Variants in CNTN4 observed in about 807,000 individuals in gnomAD.
CNTN4 encodes the protein contactin-4.
In CNTN4, 77 loss-of-function variants were observed where a neutral mutation model predicts 122.5. The observed-to-expected ratio is 0.63, with a 90% CI of 0.52 to 0.76. The LOEUF (loss-of-function observed/expected upper bound fraction) is 0.76. CNTN4 is among the 30% of genes least tolerant of loss of function. The probability of loss-of-function intolerance (pLI) is 0.00; values close to 1 mark genes in which losing one functional copy is unlikely to be tolerated. For missense variants in CNTN4, 1,256 were observed against 1,259.1 expected (o/e 1.00, Z 0.04); for synonymous variants, 512 against 447.0 (o/e 1.15, Z -1.83).
At chr3:2,495,581 C>G (rs552834320) in intron 3 of CNTN4, among the ~76,000 whole-genome samples, 2 of 152,138 alleles carry the variant, frequency 1.3e-5, no homozygotes, top group East Asian at 1.9e-4. Flanking sequence ...AGCAGGCGAG[C>G]GAGCATTACC....
chr3:2,170,750 C>T (rs2036466842), intron 2 of CNTN4, among the ~76,000 whole-genome samples: 1 of 151,694 alleles, frequency 6.6e-6, no homozygotes. Flanking sequence ...ATGTAAAAGC[C>T]AAAATATTTT....
intron 2 of CNTN4, among the ~76,000 whole-genome samples, chr3:2,286,204 C>G (rs186282815): frequency 6.5e-5 from 9 of 137,766 alleles, no homozygotes; most frequent in African/African-American, 2.0e-4. Context: ...CTCGGATCTC[C>G]TGCCGTGTGT....
At chr3:2,664,842 G>C (rs1245586847) in intron 4 of CNTN4, among the ~76,000 whole-genome samples, 2 of 152,164 alleles carry the variant, frequency 1.3e-5, no homozygotes, top group African/African-American at 4.8e-5. Context: ...AGAATGCGAT[G>C]AGTGAAACCA....
At chr3:2,585,745 A>G (rs1025688560) in intron 4 of CNTN4, among the ~76,000 whole-genome samples, 2 of 151,302 alleles carry the variant, frequency 1.3e-5, no homozygotes, top group African/African-American at 2.4e-5. Flanking sequence ...GTTAAATGAC[A>G]CGTTAATGGG....
At chr3:2,516,704 T>C (rs2077048862) in intron 3 of CNTN4, among the ~76,000 whole-genome samples, 1 of 152,064 alleles carries the variant, frequency 6.6e-6, no homozygotes, top group Non-Finnish European at 1.5e-5. Flanking sequence ...TGGGGTGATT[T>C]AAAATTGAGA....
intron 3 of CNTN4, among the ~76,000 whole-genome samples, chr3:2,400,853 T>G (rs1442152665): frequency 6.6e-6 from 1 of 151,518 alleles, no homozygotes. Context: ...CTAAATTTAT[T>G]TATATATTAC....
intron 4 of CNTN4, among the ~76,000 whole-genome samples, chr3:2,572,043 A>C (rs1171398666): frequency 6.6e-6 from 1 of 152,218 alleles, no homozygotes; most frequent in African/African-American, 2.4e-5. Context: ...AGCAAAACAC[A>C]GGAGGTTTTT....
intron 2 of CNTN4, among the ~76,000 whole-genome samples, chr3:2,207,259 G>A (rs1257301848): frequency 6.6e-6 from 1 of 151,990 alleles, no homozygotes; most frequent in African/African-American, 2.4e-5. Flanking sequence ...ACCCTCCAAT[G>A]GCCTTGAAGT....
chr3:2,884,341 C>T (rs1242355067), intron 9 of CNTN4, among the ~76,000 whole-genome samples: 8 of 152,060 alleles, frequency 5.3e-5, no homozygotes, highest in African/African-American at 1.4e-4. Context: ...ATTTTATTGT[C>T]GGTTCTAATA....
At chr3:2,383,089 A>AT (rs1471514772) in intron 3 of CNTN4, among the ~76,000 whole-genome samples, 1 of 151,954 alleles carries the variant, frequency 6.6e-6, no homozygotes. Context: ...AAAAAAAAAA[A>AT]GTAAGATAAA....
chr3:2,392,339 C>G (rs2046469334), intron 3 of CNTN4, among the ~76,000 whole-genome samples: 2 of 152,166 alleles, frequency 1.3e-5, no homozygotes, highest in Non-Finnish European at 2.9e-5. Context: ...GAACCTCCAA[C>G]ATTTCCTTTG....
chr3:2,856,138 G>C (rs6780611), intron 7 of CNTN4, among the ~76,000 whole-genome samples: 30,986 of 152,102 alleles, frequency 0.2, 3,895 homozygotes, highest in African/African-American at 0.35. Flanking sequence ...CTAATGCTTA[G>C]TAAGTTGATT....
intron 2 of CNTN4, among the ~76,000 whole-genome samples, chr3:2,170,097 G>T (rs1345526211): frequency 1.3e-5 from 2 of 151,820 alleles, no homozygotes; most frequent in Admixed American, 1.3e-4. Flanking sequence ...CGAGGCGGGA[G>T]GATCACAAGG....
chr3:2,169,531 C>G (rs201240236), intron 2 of CNTN4, among the ~76,000 whole-genome samples: 4 of 148,878 alleles, frequency 2.7e-5, no homozygotes, highest in Admixed American at 2.0e-4. Flanking sequence ...CTCAGCCTCC[C>G]GAGTAGCTGG....
intron 2 of CNTN4, among the ~76,000 whole-genome samples, chr3:2,140,822 C>G (rs1179948587): frequency 1.3e-5 from 2 of 152,170 alleles, no homozygotes; most frequent in Non-Finnish European, 2.9e-5. Context: ...ATTCCCTGAA[C>G]TGCTTGTTCA....
At chr3:2,622,502 G>A (rs950951009) in intron 4 of CNTN4, among the ~76,000 whole-genome samples, 12 of 151,882 alleles carry the variant, frequency 7.9e-5, no homozygotes, top group African/African-American at 2.4e-4. Flanking sequence ...GGCTGGTCTC[G>A]AACTCCTGAC....
chr3:2,654,038 A>G (rs1196095522), intron 4 of CNTN4, among the ~76,000 whole-genome samples: 1 of 152,208 alleles, frequency 6.6e-6, no homozygotes, highest in East Asian at 1.9e-4. Flanking sequence ...CCCTTGGTAG[A>G]CAAAACTTAA....
intron 3 of CNTN4, among the ~76,000 whole-genome samples, chr3:2,413,888 C>A (rs889676922): frequency 6.6e-6 from 1 of 152,112 alleles, no homozygotes; most frequent in Non-Finnish European, 1.5e-5. Context: ...GACTACCTAC[C>A]ATTTATAGCT....
chr3:2,239,738 A>G (rs2039856877), intron 2 of CNTN4, among the ~76,000 whole-genome samples: 1 of 152,192 alleles, frequency 6.6e-6, no homozygotes, highest in Non-Finnish European at 1.5e-5. Context: ...CCAAGGGAGA[A>G]AGGTAAATTC....
Sources: gnomAD v4.1 joint callset for allele counts (sites outside exome capture counted in the v4.1 genomes callset) on GRCh38, gnomAD v4.1.1 for gene constraint, MANE v1.5 for transcripts, NCBI Gene and HGNC (gene_info 2026-07-23, HGNC 2026-07-21) for gene names.